ANKRD17: variants seen among roughly 807,000 people sequenced by gnomAD.
The protein encoded by ANKRD17 is ankyrin repeat domain 17.
ANKRD17 carries 19 observed loss-of-function variants against 229.7 expected under a neutral mutation model. The ratio of observed to expected loss-of-function variants is 0.08; its 90% CI spans 0.06 to 0.12. The LOEUF (loss-of-function observed/expected upper bound fraction) is 0.12, where lower values mean the gene tolerates loss of function less well. ANKRD17 is among the 10% of genes least tolerant of loss of function. The pLI is 1.00. For missense variants in ANKRD17, 2,176 were observed against 3,176.8 expected (o/e 0.68, Z 7.57); for synonymous variants, 1,112 against 1,146.1 (o/e 0.97, Z 0.60).
intron 3 of ANKRD17, among the ~76,000 whole-genome samples, chr4:73,160,686 T>A (rs1230952706): frequency 6.6e-6 from 1 of 152,146 alleles, no homozygotes; most frequent in East Asian, 1.9e-4. Flanking sequence ...TATAAAAAAA[T>A]AAAGTCCCTG....
intron 1 of ANKRD17, among the ~76,000 whole-genome samples, chr4:73,253,867 CAAG>C (rs887342046): frequency 5.9e-5 from 9 of 152,142 alleles, no homozygotes; most frequent in African/African-American, 2.2e-4. Context: ...GCCCTGGATC[CAAG>C]AAGGGAAGAA....
intron 28 of ANKRD17, 89 bp downstream of exon 28, chr4:73,093,989 CA>C (rs1409524312): frequency 7.9e-7 from 1 of 1,269,834 alleles, no homozygotes; most frequent in Non-Finnish European, 1.1e-6. Context: ...CTATGTAACA[CA>C]AAGTTCCACT....
chr4:73,201,403 T>C (rs1738657010), intron 1 of ANKRD17, among the ~76,000 whole-genome samples: 1 of 151,852 alleles, frequency 6.6e-6, no homozygotes, highest in Admixed American at 6.6e-5. Flanking sequence ...AGCTAGAATA[T>C]TATACAATCA....
chr4:73,233,573 G>A (rs542414863), intron 1 of ANKRD17, among the ~76,000 whole-genome samples: 1 of 152,120 alleles, frequency 6.6e-6, no homozygotes, highest in African/African-American at 2.4e-5. Flanking sequence ...TCTTTTTGAA[G>A]GCCCAAGATT....
intron 2 of ANKRD17, among the ~76,000 whole-genome samples, chr4:73,174,066 G>C (rs1734392285): frequency 6.7e-6 from 1 of 149,038 alleles, no homozygotes; most frequent in African/African-American, 2.5e-5. Context: ...GAGGGGAAGG[G>C]AGAAGGAAGG....
intron 24 of ANKRD17, chr4:73,113,400 C>G: frequency 7.8e-7 from 1 of 1,288,766 alleles, no homozygotes; most frequent in African/African-American, 1.5e-5. Context: ...GTTGGTTATG[C>G]CTTGGTAGTG....
intron 31 of ANKRD17, among the ~76,000 whole-genome samples, chr4:73,078,135 T>C (rs1434654548): frequency 6.6e-6 from 1 of 152,070 alleles, no homozygotes; most frequent in African/African-American, 2.4e-5. Flanking sequence ...TCCCAGCACT[T>C]TGGGAGACCG....
chr4:73,177,507 A>G lies in ANKRD17; in HGVS notation c.420T>C (p.Asp140=), dbSNP rs756626550. 2 of 1,613,238 alleles carry G rather than the reference A, an allele frequency of 1.2e-6. No individual in the cohort carries two copies. The highest frequency in any genetic ancestry group is 1.7e-6 in the Non-Finnish European group (2 of 1,179,520). Residue 140 remains aspartate (D), a synonymous_variant, in exon 2 of 34, where the codon GAT becomes GAC. Transcript: ENST00000358602. ...SEVESFILDQ[D]DLENPMLETA... ...TTTCCAGCATTGGATTTTCCAAATC[A>G]TCCTGATCCAAAATGAAAGACTCCA...
At chr4:73,126,468 T>TA (rs879637644) in intron 16 of ANKRD17, among the ~76,000 whole-genome samples, 30 of 146,224 alleles carry the variant, frequency 2.1e-4, no homozygotes, top group South Asian at 8.6e-4. Context: ...CCTTGAAATT[T>TA]AAAAAAAAAA....
intron 8 of ANKRD17, among the ~76,000 whole-genome samples, chr4:73,147,981 A>T (rs139508927): frequency 1.5e-3 from 228 of 152,212 alleles, no homozygotes; most frequent in Middle Eastern, 3.4e-3. Context: ...CTACATGACA[A>T]GCACTGTTCT....
intron 1 of ANKRD17, among the ~76,000 whole-genome samples, chr4:73,201,583 A>G (rs1176489804): frequency 6.6e-6 from 1 of 152,188 alleles, no homozygotes; most frequent in Non-Finnish European, 1.5e-5. Flanking sequence ...AACTGAAAGG[A>G]AATGTATCAA....
intron 5 of ANKRD17, 41 bp from the exon 6 acceptor site, chr4:73,154,154 T>A: frequency 7.2e-7 from 1 of 1,395,172 alleles, no homozygotes; most frequent in Non-Finnish European, 9.6e-7. Context: ...TAACATAAAA[T>A]ACCAAAATAA....
intron 17 of ANKRD17, 26 bp from the exon 18 acceptor site, chr4:73,125,084 C>G (rs761184764): frequency 6.2e-6 from 10 of 1,612,702 alleles, no homozygotes; most frequent in Non-Finnish European, 8.5e-6. Context: ...GATCTTCTCA[C>G]TACATGCTAA....
intron 1 of ANKRD17, among the ~76,000 whole-genome samples, chr4:73,192,169 C>CT (rs1469981952): frequency 5.3e-5 from 8 of 151,970 alleles, no homozygotes; most frequent in African/African-American, 1.9e-4. Context: ...TATTGTCTTC[C>CT]TCTCACTTGA....
chr4:73,092,419 C>T (rs114919651), intron 28 of ANKRD17, 119 bp from the exon 29 acceptor site: 8 of 760,546 alleles, frequency 1.1e-5, no homozygotes, highest in Non-Finnish European at 1.7e-5. Context: ...TATACATACA[C>T]ACATACAAAC....
At chr4:73,114,010 C>T in intron 23 of ANKRD17, 102 bp from the exon 24 acceptor site, 1 of 730,526 alleles carries the variant, frequency 1.4e-6, no homozygotes. Context: ...CAAACCTAAG[C>T]AATAAAGATC....
chr4:73,086,929 T>A (rs867110952), intron 29 of ANKRD17, among the ~76,000 whole-genome samples: 725 of 49,558 alleles, frequency 0.015, 25 homozygotes, highest in African/African-American at 0.021. Context: ...AATATATATA[T>A]ATATATATAT....
chr4:73,139,495 C>A, intron 15 of ANKRD17, 36 bp downstream of exon 15: 1 of 1,556,638 alleles, frequency 6.4e-7, no homozygotes, highest in South Asian at 1.2e-5. Context: ...TTAAGCAAAT[C>A]ATATTTGATA....
chr4:73,089,621 G>C (rs540896793), intron 29 of ANKRD17, among the ~76,000 whole-genome samples: 1 of 152,228 alleles, frequency 6.6e-6, no homozygotes, highest in African/African-American at 2.4e-5. Context: ...GTTTCGAAAT[G>C]TATCATGGTT....
Sources: gnomAD v4.1 joint callset for allele counts (sites outside exome capture counted in the v4.1 genomes callset) on GRCh38, gnomAD v4.1.1 for gene constraint, MANE v1.5 for transcripts, NCBI Gene and HGNC (gene_info 2026-07-23, HGNC 2026-07-21) for gene names.